Variants in SULF1 observed in about 807,000 individuals in gnomAD.
SULF1 encodes extracellular sulfatase Sulf-1.
A neutral mutation model predicts 110.5 loss-of-function variants in SULF1; 46 were observed. The observed-to-expected ratio is 0.42, with a 90% CI of 0.33 to 0.53. The LOEUF is 0.53. Ranked by LOEUF, SULF1 falls within the 20% of genes least tolerant of loss-of-function variation. The pLI is 0.12. For missense variants in SULF1, 941 were observed against 1,094.2 expected (o/e 0.86, Z 1.98); for synonymous variants, 371 against 387.1 (o/e 0.96, Z 0.49).
intron 3 of SULF1, among the ~76,000 whole-genome samples, chr8:69,523,885 A>G (rs1451135437): frequency 1.3e-5 from 2 of 152,060 alleles, no homozygotes; most frequent in Non-Finnish European, 2.9e-5. Flanking sequence ...GGTTGATTAG[A>G]TTGGCCAGGG....
intron 3 of SULF1, among the ~76,000 whole-genome samples, chr8:69,512,900 G>C (rs1417958478): frequency 2.0e-5 from 3 of 152,188 alleles, no homozygotes; most frequent in African/African-American, 7.2e-5. Flanking sequence ...GATAACCTTT[G>C]TAAAATATTC....
At chr8:69,541,194 A>T (rs924919525) in intron 3 of SULF1, among the ~76,000 whole-genome samples, 41 of 152,298 alleles carry the variant, frequency 2.7e-4, no homozygotes, top group African/African-American at 8.7e-4. Context: ...ATTCAATCAG[A>T]TGTCACAGAT....
chr8:69,467,932 T>C (rs1808922777), intron 1 of SULF1, among the ~76,000 whole-genome samples: 1 of 152,162 alleles, frequency 6.6e-6, no homozygotes, highest in South Asian at 2.1e-4. Flanking sequence ...CAATATTGAA[T>C]TGAACTATTT....
chr8:69,543,344 T>C (rs1813992664), intron 3 of SULF1, among the ~76,000 whole-genome samples: 1 of 152,124 alleles, frequency 6.6e-6, no homozygotes, highest in African/African-American at 2.4e-5. Context: ...CCAGCATGCA[T>C]TGGCTATTTT....
upstream of SULF1, chr8:69,492,807 A>T (rs1810016037): frequency 6.6e-6 from 1 of 152,258 alleles, no homozygotes; most frequent in South Asian, 2.1e-4. Flanking sequence ...TGATAATAAT[A>T]CGCGGGCTTA....
At chr8:69,480,021 T>C (rs995093823) in intron 1 of SULF1, among the ~76,000 whole-genome samples, 2 of 152,126 alleles carry the variant, frequency 1.3e-5, no homozygotes, top group Non-Finnish European at 2.9e-5. Flanking sequence ...TTTTTTTTTT[T>C]CAGATGTACT....
chr8:69,532,993 C>T (rs1475277660), intron 3 of SULF1, among the ~76,000 whole-genome samples: 2 of 152,162 alleles, frequency 1.3e-5, no homozygotes, highest in Non-Finnish European at 2.9e-5. Context: ...TCTGGATGTA[C>T]TAATATCAAG....
chr8:69,540,103 G>A (rs566576059), intron 3 of SULF1, among the ~76,000 whole-genome samples: 1 of 152,308 alleles, frequency 6.6e-6, no homozygotes, highest in Non-Finnish European at 1.5e-5. Context: ...GTATTTTGAT[G>A]ATAAAATCAG....
At position 69,659,430 on chromosome 8, in the gene SULF1, T is replaced by A. The variant is rs1181266173; in HGVS notation, c.*895T>A. The A allele has an allele frequency of 1.5e-5, 5 of 344,344 alleles. No individual in the cohort carries two copies. The highest frequency in any genetic ancestry group is 2.8e-5 in the Non-Finnish European group (5 of 176,428). The allele number at this position is 344,344 out of a possible 1,614,324, so 21.3% of individuals were successfully genotyped here. On this transcript the variant is annotated 3_prime_UTR_variant, in exon 23 of 23. Coordinates refer to ENST00000402687, the MANE Select transcript of SULF1 (RefSeq NM_001128205.2). Reference sequence around the variant, plus strand: ...AACATTCCAAGCTACCCTGGGTACCTTTGTGCAGTAGAAGCTAGTGAGCAT... The same window carrying A: ...AACATTCCAAGCTACCCTGGGTACCATTGTGCAGTAGAAGCTAGTGAGCAT...
chr8:69,521,802 T>A (rs1586293219), intron 3 of SULF1, among the ~76,000 whole-genome samples: 1 of 150,766 alleles, frequency 6.6e-6, no homozygotes, highest in Non-Finnish European at 1.5e-5. Context: ...CAAAAGGCTC[T>A]ATCTATCATG....
chr8:69,555,820 T>C (rs1343760282), intron 3 of SULF1, among the ~76,000 whole-genome samples: 1 of 152,186 alleles, frequency 6.6e-6, no homozygotes. Context: ...TACAAGATAG[T>C]GTTTCCAGAA....
chr8:69,611,591 C>T (rs1160644901), intron 13 of SULF1, among the ~76,000 whole-genome samples: 1 of 152,096 alleles, frequency 6.6e-6, no homozygotes, highest in Non-Finnish European at 1.5e-5. Flanking sequence ...TGTATATTCC[C>T]CAGTGTTAAG....
chr8:69,567,524 T>A (rs116200427), intron 5 of SULF1, among the ~76,000 whole-genome samples: 1 of 152,140 alleles, frequency 6.6e-6, no homozygotes, highest in African/African-American at 2.4e-5. Flanking sequence ...CAACTATCAT[T>A]CTACTTTCTG....
At chr8:69,568,878 T>C (rs1477546705) in intron 5 of SULF1, among the ~76,000 whole-genome samples, 1 of 152,190 alleles carries the variant, frequency 6.6e-6, no homozygotes, top group Non-Finnish European at 1.5e-5. Flanking sequence ...AAAAAATATA[T>C]ATCTGAAAGA....
intron 14 of SULF1, 66 bp downstream of exon 14, chr8:69,621,317 C>A (rs758835068): frequency 1.9e-4 from 223 of 1,199,800 alleles, no homozygotes; most frequent in Non-Finnish European, 2.5e-4. Context: ...AATAGAGAGA[C>A]GAAAGGGTTG....
upstream of SULF1, among the ~76,000 whole-genome samples, chr8:69,490,500 T>C (rs1452876352): frequency 6.6e-6 from 1 of 152,166 alleles, no homozygotes; most frequent in Non-Finnish European, 1.5e-5. Flanking sequence ...ATAAAACAGA[T>C]GGAGATAATA....
chr8:69,467,048 G>A (rs546654855), intron 1 of SULF1: 5 of 152,268 alleles, frequency 3.3e-5, no homozygotes, highest in Non-Finnish European at 5.9e-5. Flanking sequence ...GCCAGTTGTT[G>A]CTGTCCTATC....
intron 3 of SULF1, among the ~76,000 whole-genome samples, chr8:69,517,215 A>G (rs953017476): frequency 3.3e-5 from 5 of 152,174 alleles, no homozygotes; most frequent in Non-Finnish European, 7.3e-5. Context: ...TCTTGCTTTA[A>G]TAGGAGCCCA....
intron 3 of SULF1, among the ~76,000 whole-genome samples, chr8:69,531,157 C>T (rs950630944): frequency 2.6e-5 from 4 of 152,312 alleles, no homozygotes; most frequent in Middle Eastern, 6.8e-3. Context: ...CCAAACACCA[C>T]TCTGAACTGA....
Sources: allele counts gnomAD v4.1 joint callset (sites outside exome capture counted in the v4.1 genomes callset), GRCh38; gene constraint gnomAD v4.1.1; transcripts MANE v1.5; gene names NCBI Gene and HGNC (gene_info 2026-07-23, HGNC 2026-07-21).